Variants in BCAS3 observed in about 807,000 individuals in gnomAD.
BCAS3 encodes BCAS3 microtubule associated cell migration factor, also known as BCAS4/BCAS3 fusion.
In BCAS3, 53 loss-of-function variants were observed where a neutral mutation model predicts 116.1. The ratio of observed to expected loss-of-function variants is 0.46; its 90% CI spans 0.37 to 0.57. The LOEUF is 0.57. BCAS3 is among the 20% of genes least tolerant of loss of function. The pLI is 0.00. For missense variants in BCAS3, 917 were observed against 1,165.4 expected (o/e 0.79, Z 3.10); for synonymous variants, 391 against 408.2 (o/e 0.96, Z 0.51).
rs2056996618 is a variant in BCAS3, at chr17:61,339,700, C to A, written c.2426-28627C>A. Among the ~76,000 whole-genome samples, 1 of 149,988 alleles carries A rather than the reference C, an allele frequency of 6.7e-6. No homozygotes were observed. The highest frequency in any genetic ancestry group is 1.5e-5 in the Non-Finnish European group (1 of 67,712). ...AGAATCGCTCGAACCTAGGAGGTGG[C>A]GGTTACAGTGAGCTGAGATCGCGCC... On this transcript the variant is annotated intron_variant, in intron 22 of 23. Transcript: ENST00000407086. The surrounding 1 kb of genome is among the most constrained non-coding windows in gnomAD (Gnocchi z 4.4).
At chr17:60,727,502 C>G in intron 5 of BCAS3, 1 of 1,465,172 alleles carries the variant, frequency 6.8e-7, no homozygotes, top group Non-Finnish European at 9.1e-7. Flanking sequence ...AGGGCTGTTC[C>G]GTCTATGTGA....
At chr17:61,262,851 C>T (rs1338556532) in intron 22 of BCAS3, among the ~76,000 whole-genome samples, 1 of 151,942 alleles carries the variant, frequency 6.6e-6, no homozygotes, top group African/African-American at 2.4e-5. Flanking sequence ...TGCCGCCACC[C>T]CCGGCTAATT....
At chr17:61,284,089 G>C (rs978240805) in intron 22 of BCAS3, among the ~76,000 whole-genome samples, 6 of 152,310 alleles carry the variant, frequency 3.9e-5, no homozygotes, top group Admixed American at 3.9e-4. Flanking sequence ...GCACCAATCA[G>C]CGTTCTGTGT....
At chr17:60,700,802 A>C (rs2036281936) in intron 4 of BCAS3, among the ~76,000 whole-genome samples, 1 of 152,194 alleles carries the variant, frequency 6.6e-6, no homozygotes, top group Non-Finnish European at 1.5e-5. Context: ...TATCTATTGG[A>C]TTGAACAACT....
At chr17:60,955,473 C>T (rs983336912) in intron 14 of BCAS3, among the ~76,000 whole-genome samples, 5 of 150,274 alleles carry the variant, frequency 3.3e-5, no homozygotes, top group Non-Finnish European at 7.4e-5. Flanking sequence ...TGCAACCTCC[C>T]GACTGCCTGG....
In BCAS3 at chr17:61,015,013, T is replaced by C. The variant is rs530837728; in HGVS notation, c.1487-738T>C. ...TACCTAGGTAAATGGAAAGGCATCC[T>C]AAGTTCTTGGATTAAAAGGTATATT... On this transcript the variant is annotated intron_variant, in intron 15 of 23. Transcript: ENST00000407086. Among the ~76,000 whole-genome samples, 13 of 152,320 alleles carry C rather than the reference T, an allele frequency of 8.5e-5. No homozygotes were observed. In the South Asian group the frequency reaches 2.5e-3, roughly 29 times the overall value.
At chr17:60,818,959 C>T (rs185099913) in intron 7 of BCAS3, among the ~76,000 whole-genome samples, 48 of 152,180 alleles carry the variant, frequency 3.2e-4, no homozygotes, top group Admixed American at 2.6e-4. Flanking sequence ...CTTAGAACCA[C>T]GAAGACCTCA....
intron 7 of BCAS3, among the ~76,000 whole-genome samples, chr17:60,824,427 T>G (rs2050209211): frequency 6.6e-6 from 1 of 152,246 alleles, no homozygotes; most frequent in Non-Finnish European, 1.5e-5. Flanking sequence ...CCTTCTCTGA[T>G]TCTTTCCCTT....
At position 61,244,933 on chromosome 17, in the gene BCAS3, A is replaced by C. The variant is rs546142595; in HGVS notation, c.2426-123394A>C. Among the ~76,000 whole-genome samples, 2 of 152,242 alleles carry C rather than the reference A, an allele frequency of 1.3e-5. No homozygotes were observed. Among genetic ancestry groups the C allele is most frequent in the Admixed American group, 6.5e-5 (1 of 15,282 alleles). On this transcript the variant is annotated intron_variant, in intron 22 of 23. Transcript: ENST00000407086. The surrounding 1 kb of genome is among the most constrained non-coding windows in gnomAD (Gnocchi z 4.9). ...TTTTTAAAGATTTAACTGCAATTGC[A>C]TAGTATTTTGTGATTTCATTATTCA...
At chr17:61,329,797 C>T (rs2056108174) in intron 22 of BCAS3, among the ~76,000 whole-genome samples, 1 of 87,746 alleles carries the variant, frequency 1.1e-5, no homozygotes, top group Non-Finnish European at 2.9e-5. Context: ...GCGCTCACCT[C>T]CTCCAAGCTT....
chr17:61,323,264 C>T lies in BCAS3; in HGVS notation c.2426-45063C>T, dbSNP rs568137623. On this transcript the variant is annotated intron_variant, in intron 22 of 23. Coordinates refer to ENST00000407086, the MANE Select transcript of BCAS3 (RefSeq NM_017679.5). The surrounding 1 kb of genome is among the most constrained non-coding windows in gnomAD (Gnocchi z 4.6). The stretch of plus-strand genomic sequence containing the variant: ...CCAAACTTCCCCAGGGGGAAGGACT[C>T]ATTTATAACCCGTTCTGATTATTCT... 2.6e-5 allele frequency among the ~76,000 whole-genome samples: 4 copies of T among 152,238 alleles called. No homozygotes were observed. The highest frequency in any genetic ancestry group is 9.6e-5 in the African/African-American group (4 of 41,524).
chr17:61,248,115 G>A lies in BCAS3; in HGVS notation c.2426-120212G>A, dbSNP rs990796876. 6.6e-6 allele frequency among the ~76,000 whole-genome samples: 1 copy of A among 152,106 alleles called. No individual in the cohort carries two copies. The highest frequency in any genetic ancestry group is 1.5e-5 in the Non-Finnish European group (1 of 68,026). On this transcript the variant is annotated intron_variant, in intron 22 of 23. Coordinates refer to ENST00000407086, the MANE Select transcript of BCAS3 (RefSeq NM_017679.5). The surrounding 1 kb of genome is among the most constrained non-coding windows in gnomAD (Gnocchi z 4.3). ...TGACTTGGAAATCTCTTTTGAATTA[G>A]CTTCTTTTGGAGAGCTTTCTGCTTT... is the stretch of plus-strand genomic sequence containing the variant.
At position 60,889,663 on chromosome 17, in the gene BCAS3, A is replaced by G. The variant is rs1167667738; in HGVS notation, c.662-32A>G. 6 of 1,566,462 alleles carry G rather than the reference A, an allele frequency of 3.8e-6. No homozygotes were observed. The African/African-American group carries it at 6.8e-5, about 18-fold the overall frequency. The stretch of plus-strand genomic sequence containing the variant: ...GCACCAACAGAAAAGTTATTAAGAA[A>G]TTTCTCAATAGTGCCATTTGAAATT... On this transcript the variant is annotated intron_variant, in intron 9 of 23. Coordinates refer to ENST00000407086, the MANE Select transcript of BCAS3 (RefSeq NM_017679.5).
chr17:61,148,946 T>C (rs1158281091), intron 22 of BCAS3, among the ~76,000 whole-genome samples: 3 of 152,214 alleles, frequency 2.0e-5, no homozygotes, highest in East Asian at 1.9e-4. Context: ...TTTGGGAGAA[T>C]TGATTGTAAC....
intron 6 of BCAS3, among the ~76,000 whole-genome samples, chr17:60,760,325 A>T (rs1450981129): frequency 6.6e-6 from 1 of 151,932 alleles, no homozygotes; most frequent in Non-Finnish European, 1.5e-5. Flanking sequence ...ATGATAGGGT[A>T]TGTGTTATTC....
At chr17:60,977,856 A>C (rs892150411) in intron 14 of BCAS3, among the ~76,000 whole-genome samples, 5 of 146,398 alleles carry the variant, frequency 3.4e-5, no homozygotes, top group Non-Finnish European at 5.9e-5. Context: ...GCTGCATAGT[A>C]TTCCATGGTG....
Position 61,130,375 on chromosome 17 carries a change from C to A in BCAS3, c.2425+45811C>A, listed in dbSNP as rs2076265950. 6.6e-6 allele frequency among the ~76,000 whole-genome samples: 1 copy of A among 152,062 alleles called. No homozygotes were observed. The highest frequency in any genetic ancestry group is 2.1e-4 in the South Asian group (1 of 4,820). Reference sequence around the variant, plus strand: ...TTATTAATTCTCGTATCCAAAAGAACCACAATACAACCCAAGACCCCAATC... The same window carrying A: ...TTATTAATTCTCGTATCCAAAAGAAACACAATACAACCCAAGACCCCAATC... On this transcript the variant is annotated intron_variant, in intron 22 of 23. Coordinates refer to ENST00000407086, the MANE Select transcript of BCAS3 (RefSeq NM_017679.5). The surrounding 1 kb of genome is among the most constrained non-coding windows in gnomAD (Gnocchi z 5.0).
chr17:61,323,943 A>G lies in BCAS3; in HGVS notation c.2426-44384A>G, dbSNP rs532906859. ...CACATTCTTCCTGGAGGAAAATGAT[A>G]GCTCATTGTCAAAGGTTGGGCGGGA... On this transcript the variant is annotated intron_variant, in intron 22 of 23. Coordinates refer to ENST00000407086, the MANE Select transcript of BCAS3 (RefSeq NM_017679.5). The surrounding 1 kb of genome is among the most constrained non-coding windows in gnomAD (Gnocchi z 4.6). Among the ~76,000 whole-genome samples the G allele has an allele frequency of 4.6e-5, 7 of 152,316 alleles. No homozygotes were observed. Among genetic ancestry groups the G allele is most frequent in the South Asian group, 4.2e-4 (2 of 4,818 alleles).
chr17:60,987,782 C>A (rs2063240801), intron 14 of BCAS3, among the ~76,000 whole-genome samples: 1 of 152,018 alleles, frequency 6.6e-6, no homozygotes, highest in Non-Finnish European at 1.5e-5. Flanking sequence ...GCAAACGAGG[C>A]TCATTTGACT....
Sources: allele counts gnomAD v4.1 joint callset (sites outside exome capture counted in the v4.1 genomes callset), GRCh38; gene constraint gnomAD v4.1.1; non-coding constraint Gnocchi (gnomAD v3.1); transcripts MANE v1.5; gene names NCBI Gene and HGNC (gene_info 2026-07-23, HGNC 2026-07-21).